The following THOC2 variants were observed in gnomAD, a reference collection of about 807,000 sequenced individuals.
THOC2 encodes THO complex subunit 2.
A neutral mutation model predicts 128.4 loss-of-function variants in THOC2; 10 were observed. The ratio of observed to expected loss-of-function variants is 0.08; its 90% CI spans 0.05 to 0.13. The LOEUF is 0.13. Among genes scored for constraint, THOC2 ranks in the 10% least tolerant of loss-of-function variants. The pLI is 1.00. For missense variants in THOC2, 535 were observed against 1,155.7 expected, an observed-to-expected ratio of 0.46 and a Z score of 7.79; for synonymous variants, 393 against 396.9, an observed-to-expected ratio of 0.99 and a Z score of 0.12.
Position 123,684,637 on chromosome X carries a change from C to T in THOC2, c.768+1911G>A, listed in dbSNP as rs762082765. Reference sequence around the variant, plus strand: ...TCCTGACCTCAGGTGATCTGCCCGCCTCAGCCTCCCAAAGTGCTGGGATTA... The same window carrying T: ...TCCTGACCTCAGGTGATCTGCCCGCTTCAGCCTCCCAAAGTGCTGGGATTA... On this transcript the variant is annotated intron_variant, in intron 8 of 38. Transcript: ENST00000245838. Among the ~76,000 whole-genome samples, 26 of 112,264 alleles carry T rather than the reference C, an allele frequency of 2.3e-4. No individual in the cohort carries two copies. The South Asian group carries it at 9.3e-3, about 40-fold the overall frequency.
At chrX:123,601,736 G>A (rs2046289809) in intron 38 of THOC2, 3 of 110,371 alleles carry the variant, frequency 2.7e-5, no homozygotes, top group South Asian at 3.9e-4. Flanking sequence ...TGGGAGAGAG[G>A]GGTGGGGGTA....
intron 7 of THOC2, among the ~76,000 whole-genome samples, chrX:123,688,601 T>C (rs763790693): frequency 6.3e-5 from 7 of 110,302 alleles, no homozygotes; most frequent in Non-Finnish European, 1.3e-4. Flanking sequence ...CACATGCCTG[T>C]AGTCCCAGCT....
chrX:123,711,218 G>C (rs2051178287), intron 2 of THOC2, among the ~76,000 whole-genome samples: 1 of 99,715 alleles, frequency 1.0e-5, no homozygotes, highest in African/African-American at 3.8e-5. Flanking sequence ...TTTTGGTAGA[G>C]ATGGAGTTTC....
At chrX:123,604,143 T>C (rs1448545532) in intron 38 of THOC2, among the ~76,000 whole-genome samples, 1 of 112,207 alleles carries the variant, frequency 8.9e-6, no homozygotes, top group Non-Finnish European at 1.9e-5. Flanking sequence ...CTTTTTCACA[T>C]CTAGGACTGT....
intron 7 of THOC2, among the ~76,000 whole-genome samples, chrX:123,688,145 A>T (rs775686985): frequency 5.3e-5 from 6 of 112,368 alleles, no homozygotes; most frequent in Admixed American, 9.5e-5. Context: ...ATGTCAATAC[A>T]AAGATTTGTA....
At chrX:123,698,089 T>TA (rs745532091) in intron 4 of THOC2, among the ~76,000 whole-genome samples, 855 of 85,304 alleles carry the variant, frequency 0.01, 5 homozygotes, top group African/African-American at 0.024. Flanking sequence ...TCAGAGATGC[T>TA]AAAAAAAAAA....
intron 12 of THOC2, among the ~76,000 whole-genome samples, chrX:123,665,377 G>A (rs1450308837): frequency 9.0e-6 from 1 of 111,406 alleles, no homozygotes; most frequent in Non-Finnish European, 1.9e-5. Context: ...TAGGTATGTA[G>A]TAGGTCATAC....
chrX:123,602,771 G>T (rs2046328391), intron 38 of THOC2: 1 of 111,414 alleles, frequency 9.0e-6, no homozygotes, highest in Non-Finnish European at 1.9e-5. Flanking sequence ...ACTTTGGGAG[G>T]CCGAGGCAGG....
chrX:123,690,022 A>G (rs984999428), intron 7 of THOC2, among the ~76,000 whole-genome samples: 6 of 111,387 alleles, frequency 5.4e-5, no homozygotes, highest in African/African-American at 2.0e-4. Flanking sequence ...ATATACATAC[A>G]TACACACACA....
Position 123,644,773 on chromosome X carries a change from A to G in THOC2, c.1559+6T>C. On this transcript the variant is annotated splice_donor_region_variant and intron_variant, in intron 14 of 38. Coordinates refer to ENST00000245838, the MANE Select transcript of THOC2 (RefSeq NM_001081550.2). Reference sequence around the variant, plus strand: ...AGTTAAAAACATGAAAATAATATGTATTTACCTATGCTGATATGGAAATGT... The same window carrying G: ...AGTTAAAAACATGAAAATAATATGTGTTTACCTATGCTGATATGGAAATGT... 8.4e-7 allele frequency: 1 copy of G among 1,191,547 alleles called. No individual in the cohort carries two copies. The highest frequency in any genetic ancestry group is 1.1e-6 in the Non-Finnish European group (1 of 881,008).
chrX:123,711,958 T>TTAA (rs1412943586), intron 2 of THOC2, among the ~76,000 whole-genome samples: 2 of 46,853 alleles, frequency 4.3e-5, no homozygotes, highest in African/African-American at 9.0e-5. Flanking sequence ...CTGTCTACTT[T>TTAA]AAAAAAAAAA....
At chrX:123,724,005 T>C (rs905036109) in intron 1 of THOC2, among the ~76,000 whole-genome samples, 1 of 111,830 alleles carries the variant, frequency 8.9e-6, no homozygotes, top group Non-Finnish European at 1.9e-5. Context: ...GTATTTTCAT[T>C]ACATTTCACA....
At chrX:123,670,993 TTAATAGATATCC>T (rs1415632926) in intron 9 of THOC2, among the ~76,000 whole-genome samples, 4 of 111,491 alleles carry the variant, frequency 3.6e-5, no homozygotes, top group Non-Finnish European at 7.5e-5. Context: ...TTGTTTTAAA[TTAATAGATATCC>T]TAATACAAAA....
At chrX:123,662,412 C>T (rs1166659487) in intron 12 of THOC2, among the ~76,000 whole-genome samples, 2 of 108,679 alleles carry the variant, frequency 1.8e-5, no homozygotes, top group Non-Finnish European at 3.8e-5. Context: ...CGGTGAAACC[C>T]CATCTCTACT....
intron 38 of THOC2, among the ~76,000 whole-genome samples, chrX:123,604,281 C>A (rs1484502042): frequency 8.9e-6 from 1 of 111,752 alleles, no homozygotes; most frequent in Non-Finnish European, 1.9e-5. Context: ...CACATCTCAA[C>A]AGAAGATGGC....
intron 28 of THOC2, 122 bp from the exon 29 acceptor site, chrX:123,623,405 TACCAA>T: frequency 2.7e-6 from 2 of 750,441 alleles, no homozygotes; most frequent in Non-Finnish European, 3.7e-6. Flanking sequence ...AATTAAAAAA[TACCAA>T]TTTTTAATAA....
At chrX:123,658,356 G>A (rs1217659991) in intron 12 of THOC2, among the ~76,000 whole-genome samples, 2 of 111,843 alleles carry the variant, frequency 1.8e-5, no homozygotes, top group African/African-American at 6.5e-5. Context: ...AAGACTGTCA[G>A]AGTAGATCAA....
intron 21 of THOC2, among the ~76,000 whole-genome samples, chrX:123,632,281 G>A (rs1468166419): frequency 9.1e-6 from 1 of 109,689 alleles, no homozygotes; most frequent in Non-Finnish European, 1.9e-5. Context: ...GAAAAAGAGA[G>A]ACAGCAACCC....
chrX:123,665,615 T>C (rs367785928), intron 12 of THOC2, 27 bp downstream of exon 12: 24 of 1,048,732 alleles, frequency 2.3e-5, no homozygotes, highest in Non-Finnish European at 3.1e-5. Flanking sequence ...TTTCAAAATT[T>C]AGGTTTGTAA....
Sources: allele counts gnomAD v4.1 joint callset (sites outside exome capture counted in the v4.1 genomes callset), GRCh38; gene constraint gnomAD v4.1.1; transcripts MANE v1.5; gene names NCBI Gene and HGNC (gene_info 2026-07-23, HGNC 2026-07-21).